EYS: variants seen among roughly 807,000 people sequenced by gnomAD.
The protein encoded by EYS is EGF-like photoreceptor maintenance factor, also known as protein eyes shut homolog.
In EYS, 250 loss-of-function variants were observed where a neutral mutation model predicts 282.1. The observed-to-expected ratio is 0.89, with a 90% confidence interval of 0.80 to 0.98. EYS has a LOEUF of 0.98. EYS is among the 50% of genes least tolerant of loss of function. EYS has a pLI of 0.00. For synonymous variants in EYS, 1,355 were observed against 1,282.9 expected, an observed-to-expected ratio of 1.06 and a Z score of -1.20; for missense variants, 4,016 against 3,709.0, an observed-to-expected ratio of 1.08 and a Z score of -2.15.
chr6:64,570,204 T>G (rs1428455069), intron 26 of EYS, among the ~76,000 whole-genome samples: 1 of 152,098 alleles, frequency 6.6e-6, no homozygotes, highest in East Asian at 1.9e-4. Context: ...GCTTCACAAG[T>G]GAAGGAGAAA....
rs539133780 is a variant in EYS, at chr6:65,068,480, A to G, written c.2024-10753T>C. Among the ~76,000 whole-genome samples the G allele has an allele frequency of 1.8e-3, 271 of 152,016 alleles. 1 individual carries two copies. The highest frequency in any genetic ancestry group is 3.3e-3 in the Non-Finnish European group (227 of 67,922). ...TTTGTACTATTTTTTCTTCTATTCC[A>G]TGAGGCCACTCTTGTGCAAATATTT... is the stretch of plus-strand genomic sequence containing the variant. On this transcript the variant is annotated intron_variant, in intron 12 of 42. Transcript: ENST00000503581.
chr6:64,327,699 T>C lies in EYS; in HGVS notation c.6079-20617A>G, dbSNP rs151206781. Reference sequence around the variant, plus strand: ...TAAAACCAGGAACCATAGAAAGAGATTGCAAGGCATCAGTAAAAGAAAAGG... The same window carrying C: ...TAAAACCAGGAACCATAGAAAGAGACTGCAAGGCATCAGTAAAAGAAAAGG... On this transcript the variant is annotated intron_variant, in intron 29 of 42. Transcript: ENST00000503581. Among the ~76,000 whole-genome samples, 260 of 152,144 alleles carry C rather than the reference T, an allele frequency of 1.7e-3. 3 individuals carry two copies. The East Asian group carries it at 0.018, about 10-fold the overall frequency.
At chr6:64,037,997 T>C (rs942812164) in intron 33 of EYS, among the ~76,000 whole-genome samples, 3 of 152,208 alleles carry the variant, frequency 2.0e-5, no homozygotes, top group African/African-American at 7.2e-5. Context: ...ACATCCAAAA[T>C]GAACTAAAAC....
At chr6:64,794,683 A>T (rs1179779877) in intron 22 of EYS, among the ~76,000 whole-genome samples, 1 of 152,226 alleles carries the variant, frequency 6.6e-6, no homozygotes, top group Non-Finnish European at 1.5e-5. Flanking sequence ...GAATTTAAAA[A>T]TGTGGCATAT....
chr6:65,231,429 T>C (rs1377351853), intron 12 of EYS, among the ~76,000 whole-genome samples: 2 of 151,688 alleles, frequency 1.3e-5, no homozygotes, highest in East Asian at 3.9e-4. Flanking sequence ...TCCCTCTCTG[T>C]GGTGTTTTAT....
At chr6:64,727,488 A>G (rs774938083) in intron 22 of EYS, among the ~76,000 whole-genome samples, 1 of 152,192 alleles carries the variant, frequency 6.6e-6, no homozygotes. Context: ...CATATCACCT[A>G]CCAGTTCCTC....
chr6:63,876,266 A>G (rs907082991), intron 35 of EYS, among the ~76,000 whole-genome samples: 6 of 152,146 alleles, frequency 3.9e-5, no homozygotes, highest in Non-Finnish European at 7.3e-5. Context: ...TTCAGTTTCC[A>G]TGTAGTTGAG....
At chr6:63,764,160 G>A (rs1353256094) in intron 40 of EYS, among the ~76,000 whole-genome samples, 1 of 151,852 alleles carries the variant, frequency 6.6e-6, no homozygotes, top group East Asian at 1.9e-4. Flanking sequence ...GAATGGGTAT[G>A]AGGTATAGGG....
At chr6:64,067,063 T>C (rs1413473833) in intron 32 of EYS, among the ~76,000 whole-genome samples, 2 of 152,272 alleles carry the variant, frequency 1.3e-5, no homozygotes, top group East Asian at 3.9e-4. Context: ...TGAAATGTTC[T>C]TTTCTACCAC....
chr6:65,110,893 T>C (rs550728896), intron 12 of EYS, among the ~76,000 whole-genome samples: 1 of 152,214 alleles, frequency 6.6e-6, no homozygotes, highest in African/African-American at 2.4e-5. Flanking sequence ...ACTCCGGTTA[T>C]AGCATAGAGA....
chr6:65,309,028 G>T (rs1021813724), intron 11 of EYS, among the ~76,000 whole-genome samples: 3 of 152,096 alleles, frequency 2.0e-5, no homozygotes, highest in Non-Finnish European at 4.4e-5. Context: ...AAAAAGTCAT[G>T]CAGAGGTTGA....
At chr6:64,202,707 T>C (rs951666743) in intron 31 of EYS, among the ~76,000 whole-genome samples, 1 of 152,096 alleles carries the variant, frequency 6.6e-6, no homozygotes, top group Admixed American at 6.6e-5. Context: ...TGAGACGAGA[T>C]CATCCTCCAT....
intron 5 of EYS, among the ~76,000 whole-genome samples, chr6:65,431,132 A>G (rs1767871930): frequency 6.6e-6 from 1 of 152,198 alleles, no homozygotes; most frequent in African/African-American, 2.4e-5. Context: ...CCACCACTCC[A>G]GATTGTGGAC....
intron 22 of EYS, among the ~76,000 whole-genome samples, chr6:64,681,572 G>T (rs1276975925): frequency 2.0e-5 from 3 of 152,136 alleles, no homozygotes; most frequent in Non-Finnish European, 4.4e-5. Flanking sequence ...TCAGGTGATG[G>T]TTCCGCAATG....
rs117806020 is a variant in EYS at position 65,406,936 on chromosome 6, A to G, written c.863-1569T>C. On this transcript the variant is annotated intron_variant, in intron 5 of 42. Coordinates refer to ENST00000503581, the MANE Select transcript of EYS (RefSeq NM_001142800.2). ...TTTTTTTCCAAAAATATTTTTGGCT[A>G]TGCTATGGATTCTTTTTATAGTTTC... 3.0e-3 allele frequency among the ~76,000 whole-genome samples: 453 copies of G among 152,158 alleles called. 3 individuals are homozygous for G. The highest frequency in any genetic ancestry group is 0.015 in the East Asian group (78 of 5,160).
intron 12 of EYS, among the ~76,000 whole-genome samples, chr6:65,253,770 T>C (rs1767388250): frequency 6.6e-6 from 1 of 151,850 alleles, no homozygotes; most frequent in South Asian, 2.1e-4. Context: ...AGAGTGCTAC[T>C]TCAAAACAGT....
At chr6:65,276,068 T>C (rs989821962) in intron 12 of EYS, among the ~76,000 whole-genome samples, 2 of 152,134 alleles carry the variant, frequency 1.3e-5, no homozygotes, top group African/African-American at 4.8e-5. Flanking sequence ...TGCTCATAGA[T>C]TTCCCTGGTC....
At position 64,966,333 on chromosome 6, in the gene EYS, G is replaced by C. The variant is rs957896347; in HGVS notation, c.2260-20419C>G. ...AATCTAGAAAGAAATTGGTGTTGGG[G>C]GGGGTATTGTTTAACTTGTTAAATG... is the stretch of plus-strand genomic sequence containing the variant. On this transcript the variant is annotated intron_variant, in intron 14 of 42. Transcript: ENST00000503581. Among the ~76,000 whole-genome samples, 99 of 152,208 alleles carry C rather than the reference G, an allele frequency of 6.5e-4. 1 individual carries two copies. The highest frequency in any genetic ancestry group is 2.3e-3 in the African/African-American group (95 of 41,510).
At chr6:64,410,028 C>G (rs1367041898) in intron 28 of EYS, among the ~76,000 whole-genome samples, 1 of 151,912 alleles carries the variant, frequency 6.6e-6, no homozygotes, top group East Asian at 1.9e-4. Context: ...GGAACACAGA[C>G]GAGTTACTCT....
Sources: gnomAD v4.1 joint callset for allele counts (sites outside exome capture counted in the v4.1 genomes callset) on GRCh38, gnomAD v4.1.1 for gene constraint, MANE v1.5 for transcripts, NCBI Gene and HGNC (gene_info 2026-07-23, HGNC 2026-07-21) for gene names.